FAT3: variants seen among roughly 807,000 people sequenced by gnomAD.
The protein encoded by FAT3 is FAT atypical cadherin 3.
In FAT3, 95 loss-of-function variants were observed where a neutral mutation model predicts 310.2. The ratio of observed to expected loss-of-function variants is 0.31; its 90% CI spans 0.26 to 0.36. The LOEUF (loss-of-function observed/expected upper bound fraction) is 0.36. Among genes scored for constraint, FAT3 ranks in the 10% least tolerant of loss-of-function variants. The probability of loss-of-function intolerance (pLI) is 1.00; values close to 1 mark genes in which losing one functional copy is unlikely to be tolerated. For synonymous variants in FAT3, 2,314 were observed against 2,192.9 expected, an observed-to-expected ratio of 1.06 and a Z score of -1.54; for missense variants, 5,408 against 5,715.6, an observed-to-expected ratio of 0.95 and a Z score of 1.74.
At chr11:92,658,949 C>CATCAAT (rs967814130) in intron 3 of FAT3, among the ~76,000 whole-genome samples, 6 of 151,974 alleles carry the variant, frequency 3.9e-5, no homozygotes, top group Non-Finnish European at 8.8e-5. Context: ...TCATCATCAT[C>CATCAAT]ATCAATATCA....
intron 1 of FAT3, among the ~76,000 whole-genome samples, chr11:92,296,009 T>C (rs961335346): frequency 4.6e-5 from 7 of 152,068 alleles, no homozygotes; most frequent in African/African-American, 1.7e-4. Context: ...CTGGTAATTG[T>C]GGAGATAGAA....
At position 92,352,078 on chromosome 11, in the gene FAT3, T is replaced by C. The variant is rs779910165; in HGVS notation, c.-17-18T>C. Reference sequence around the variant, plus strand: ...GGATGGTTAATTTATCTTTTCTCTCTCTCTTTCTTCCCTCCAGGATGGAAG... The same window carrying C: ...GGATGGTTAATTTATCTTTTCTCTCCCTCTTTCTTCCCTCCAGGATGGAAG... On this transcript the variant is annotated intron_variant, in intron 1 of 27. Coordinates refer to ENST00000525166, the MANE Select transcript of FAT3 (RefSeq NM_001367949.2). The C allele has an allele frequency of 8.0e-6, 10 of 1,244,508 alleles. No individual in the cohort carries two copies. The highest frequency in any genetic ancestry group is 1.6e-5 in the African/African-American group (1 of 64,478). 77.1% of individuals were successfully genotyped at this position (1,244,508 alleles called of 1,614,324 possible).
chr11:92,284,613 T>C (rs1946513723), intron 1 of FAT3, among the ~76,000 whole-genome samples: 2 of 152,140 alleles, frequency 1.3e-5, no homozygotes, highest in African/African-American at 2.4e-5. Context: ...GTTGAATTCA[T>C]TTGTCAACCT....
At chr11:92,589,760 C>G (rs1253204893) in intron 3 of FAT3, among the ~76,000 whole-genome samples, 1 of 152,068 alleles carries the variant, frequency 6.6e-6, no homozygotes, top group Middle Eastern at 3.2e-3. Flanking sequence ...ATATGACACA[C>G]ATAACTGAAG....
intron 3 of FAT3, among the ~76,000 whole-genome samples, chr11:92,608,465 C>A (rs1396554900): frequency 2.0e-5 from 3 of 151,990 alleles, no homozygotes; most frequent in Non-Finnish European, 1.5e-5. Context: ...AATGGAAAAA[C>A]CTGCTTGGGT....
Position 92,801,182 on chromosome 11 carries a change from T to G in FAT3, c.8169T>G (p.Ile2723Met), listed in dbSNP as rs1186119611. The change falls in exon 10 of 28, where the codon ATT becomes ATG. Residue 2723 changes from isoleucine (I) to methionine (M), a missense_variant. Physicochemically the swap from Ile to Met is conservative, Grantham distance 10 (BLOSUM62 1). Around this residue, in one of 5 missense-constraint regions of FAT3, gnomAD observed 4,588 missense variants for 4,809.8 expected, o/e 0.95. Transcript: ENST00000525166. Reference sequence around the variant, plus strand: ...TTACCATTGCAGAAGATACAGCCATTGGGAGTACAGTGGACACCCTGAGGA... The same window carrying G: ...TTACCATTGCAGAAGATACAGCCATGGGGAGTACAGTGGACACCCTGAGGA... ...YSFTIAEDTA[I>M]GSTVDTLRIL... 1 of 1,613,764 alleles carries G rather than the reference T, an allele frequency of 6.2e-7. No individual in the cohort carries two copies. Among genetic ancestry groups the G allele is most frequent in the Non-Finnish European group, 8.5e-7 (1 of 1,179,870 alleles).
At chr11:92,372,408 G>A (rs1307262233) in intron 2 of FAT3, among the ~76,000 whole-genome samples, 2 of 151,668 alleles carry the variant, frequency 1.3e-5, no homozygotes, top group Admixed American at 6.6e-5. Context: ...AAAGAGAATT[G>A]TAATGCACTT....
chr11:92,750,263 A>G (rs1945793463), intron 4 of FAT3, among the ~76,000 whole-genome samples: 1 of 152,224 alleles, frequency 6.6e-6, no homozygotes, highest in Admixed American at 6.5e-5. Flanking sequence ...AAGAGTATCA[A>G]GTGCTAAAAT....
rs1949733786 is a variant in FAT3 at position 92,883,786 on chromosome 11, A to C, written c.12937+393A>C. Among the ~76,000 whole-genome samples, 1 of 152,192 alleles carries C rather than the reference A, an allele frequency of 6.6e-6. No homozygotes were observed. Among genetic ancestry groups the C allele is most frequent in the Non-Finnish European group, 1.5e-5 (1 of 68,050 alleles). ...TAATAGTGTGTGTGTGTCTGGGCCT[A>C]TGTACAAAGTGCAAAAAGCCACTTG... On this transcript the variant is annotated intron_variant, in intron 24 of 27. Coordinates refer to ENST00000525166, the MANE Select transcript of FAT3 (RefSeq NM_001367949.2). The surrounding 1 kb of genome is among the most constrained non-coding windows in gnomAD (Gnocchi z 4.2).
intron 7 of FAT3, 74 bp downstream of exon 7, chr11:92,774,254 A>C: frequency 6.9e-7 from 1 of 1,443,796 alleles, no homozygotes; most frequent in Non-Finnish European, 9.3e-7. Flanking sequence ...CAATGAAAAA[A>C]AAATGTAATG....
intron 3 of FAT3, among the ~76,000 whole-genome samples, chr11:92,618,146 C>A (rs1940906522): frequency 6.6e-6 from 1 of 152,218 alleles, no homozygotes; most frequent in African/African-American, 2.4e-5. Context: ...TCGAGCTTCC[C>A]AGCCACTTTG....
chr11:92,536,362 A>G (rs1319884346), intron 3 of FAT3, among the ~76,000 whole-genome samples: 1 of 152,162 alleles, frequency 6.6e-6, no homozygotes, highest in Non-Finnish European at 1.5e-5. Flanking sequence ...AAGAAGCTAG[A>G]TGGAGTAGTA....
intron 6 of FAT3, among the ~76,000 whole-genome samples, chr11:92,769,086 C>T (rs979931290): frequency 1.3e-5 from 2 of 152,168 alleles, no homozygotes; most frequent in African/African-American, 4.8e-5. Context: ...GATATGAATT[C>T]ACAAAAGCTG....
intron 2 of FAT3, among the ~76,000 whole-genome samples, chr11:92,375,031 A>G (rs35935125): frequency 0.12 from 18,050 of 152,204 alleles, 1,110 homozygotes; most frequent in South Asian, 0.18. Context: ...TGACCTGTTT[A>G]ATAAAACATG....
At chr11:92,710,214 A>G (rs1033424069) in intron 4 of FAT3, among the ~76,000 whole-genome samples, 3 of 152,234 alleles carry the variant, frequency 2.0e-5, no homozygotes, top group African/African-American at 4.8e-5. Context: ...TACAAAGTAG[A>G]CTGAGCGATC....
chr11:92,535,649 T>C (rs1403805349), intron 3 of FAT3, among the ~76,000 whole-genome samples: 2 of 152,206 alleles, frequency 1.3e-5, no homozygotes, highest in African/African-American at 4.8e-5. Context: ...TTTTTTTGTT[T>C]GTTGTTGTAG....
At position 92,355,027 on chromosome 11, in the gene FAT3, G is replaced by T. The variant is rs1382417399; in HGVS notation, c.2915G>T (p.Arg972Leu). ...GATCTTGGACTGGGGGGTCAAGTGC[G>T]CTATTCTTTGGTCAATGACTATAAT... is the stretch of plus-strand genomic sequence containing the variant. ...DPDLGLGGQV[R>L]YSLVNDYNGR... is the part of the protein sequence containing the mutation. Residue 972 changes from arginine (R) to leucine (L), a missense_variant, in exon 2 of 28, where the codon CGC becomes CTC. Around this residue, in one of 5 missense-constraint regions of FAT3, gnomAD observed 4,588 missense variants for 4,809.8 expected, o/e 0.95. Coordinates refer to ENST00000525166, the MANE Select transcript of FAT3 (RefSeq NM_001367949.2). 1 of 1,613,770 alleles carries T rather than the reference G, an allele frequency of 6.2e-7. No homozygotes were observed. The highest frequency in any genetic ancestry group is 1.1e-5 in the South Asian group (1 of 91,074).
intron 2 of FAT3, among the ~76,000 whole-genome samples, chr11:92,386,043 G>T (rs1949611115): frequency 6.6e-6 from 1 of 150,698 alleles, no homozygotes; most frequent in South Asian, 2.1e-4. Context: ...AGCTACTCAG[G>T]AAGCTGAGGT....
chr11:92,847,971 A>G (rs1018525419), intron 19 of FAT3, among the ~76,000 whole-genome samples: 1 of 152,026 alleles, frequency 6.6e-6, no homozygotes, highest in Admixed American at 6.6e-5. Context: ...ACACACTCAC[A>G]TGCAATTAGT....
Sources: gnomAD v4.1 joint callset for allele counts (sites outside exome capture counted in the v4.1 genomes callset) on GRCh38, gnomAD v4.1.1 for gene constraint, gnomAD v4.1.1 regional missense constraint, Gnocchi (gnomAD v3.1) non-coding constraint, MANE v1.5 for transcripts, NCBI Gene and HGNC (gene_info 2026-07-23, HGNC 2026-07-21) for gene names.